Variants in ANKHD1 observed in about 807,000 individuals in gnomAD.
The protein encoded by ANKHD1 is ankyrin repeat and KH domain-containing protein 1.
In ANKHD1, 31 loss-of-function variants were observed where a neutral mutation model predicts 230.5. The ratio of observed to expected loss-of-function variants is 0.13; its 90% CI spans 0.10 to 0.18. The LOEUF (loss-of-function observed/expected upper bound fraction) is 0.18, where lower values mean the gene tolerates loss of function less well. ANKHD1 is among the 10% of genes least tolerant of loss of function. The pLI, the probability that ANKHD1 is intolerant of heterozygous loss-of-function variation, is 1.00. For synonymous variants in ANKHD1, 1,074 were observed against 1,117.6 expected (o/e 0.96, Z 0.78); for missense variants, 2,256 against 3,071.3 (o/e 0.73, Z 6.27).
intron 10 of ANKHD1, 102 bp from the exon 11 acceptor site, chr5:140,482,478 G>A: frequency 7.7e-7 from 1 of 1,298,590 alleles, no homozygotes; most frequent in Non-Finnish European, 1.1e-6. Flanking sequence ...CAATGAGTAA[G>A]TATATTAAAT....
chr5:140,417,196 C>T (rs1165453720), intron 1 of ANKHD1, among the ~76,000 whole-genome samples: 1 of 151,462 alleles, frequency 6.6e-6, no homozygotes, highest in Non-Finnish European at 1.5e-5. Flanking sequence ...CAGGATATGT[C>T]GTATATTGAT....
chr5:140,501,530 A>G lies in ANKHD1; in HGVS notation c.3005-3291A>G, dbSNP rs528079288. Among the ~76,000 whole-genome samples the G allele has an allele frequency of 7.4e-4, 113 of 152,132 alleles. 1 individual carries two copies. Among genetic ancestry groups the G allele is most frequent in the African/African-American group, 2.3e-3 (97 of 41,542 alleles). Reference sequence around the variant, plus strand: ...TTTGGGAGGCCAAGGCGAGCAGATCATGAGGTTAGGAGATCGAGACCATCC... The same window carrying G: ...TTTGGGAGGCCAAGGCGAGCAGATCGTGAGGTTAGGAGATCGAGACCATCC... On this transcript the variant is annotated intron_variant, in intron 15 of 33. Coordinates refer to ENST00000360839, the MANE Select transcript of ANKHD1 (RefSeq NM_017747.3).
chr5:140,447,293 C>T (rs1431865021), intron 6 of ANKHD1, among the ~76,000 whole-genome samples: 1 of 152,046 alleles, frequency 6.6e-6, no homozygotes, highest in African/African-American at 2.4e-5. Flanking sequence ...GCCTCAAACT[C>T]CTGGGTTCAA....
At chr5:140,502,184 G>C (rs770480537) in intron 15 of ANKHD1, among the ~76,000 whole-genome samples, 9 of 152,066 alleles carry the variant, frequency 5.9e-5, no homozygotes, top group Non-Finnish European at 1.2e-4. Context: ...TCATAGTCTT[G>C]GTGTAATTTT....
intron 1 of ANKHD1, among the ~76,000 whole-genome samples, chr5:140,405,731 C>T (rs1015504938): frequency 1.3e-5 from 2 of 152,118 alleles, no homozygotes; most frequent in African/African-American, 4.8e-5. Context: ...CTCCTGGGTT[C>T]AAGCGATTCT....
At chr5:140,455,700 T>G (rs1775123592) in intron 7 of ANKHD1, among the ~76,000 whole-genome samples, 1 of 152,194 alleles carries the variant, frequency 6.6e-6, no homozygotes, top group Non-Finnish European at 1.5e-5. Context: ...AATTAGGTAT[T>G]GATGGGACAT....
chr5:140,433,425 C>T (rs1773210408), intron 1 of ANKHD1, among the ~76,000 whole-genome samples: 1 of 152,128 alleles, frequency 6.6e-6, no homozygotes, highest in South Asian at 2.1e-4. Context: ...CTCTTCTGCC[C>T]ACCTCTACCC....
chr5:140,485,958 CA>C lies in ANKHD1; in HGVS notation c.2142+229del, dbSNP rs1581324853. Reference sequence around the variant, plus strand: ...GTGGTTTTTAAAAACCACTTAATATCAAATATAAACGTAAGTATTCTAAGTT... The same window carrying C: ...GTGGTTTTTAAAAACCACTTAATATCAATATAAACGTAAGTATTCTAAGTT... On this transcript the variant is annotated intron_variant, in intron 13 of 33. Coordinates refer to ENST00000360839, the MANE Select transcript of ANKHD1 (RefSeq NM_017747.3). The surrounding 1 kb of genome is among the most constrained non-coding windows in gnomAD (Gnocchi z 4.8). 1.8e-6 allele frequency: 1 copy of C among 540,898 alleles called. No individual in the cohort carries two copies. Among genetic ancestry groups the C allele is most frequent in the East Asian group, 3.7e-5 (1 of 27,142 alleles). The allele number at this position is 540,898 out of a possible 1,614,324, so 33.5% of individuals were successfully genotyped here. A position where few individuals can be genotyped will look rare whatever the true frequency, so the allele number is the denominator to read the frequency against.
At chr5:140,463,603 G>A (rs1047207817) in intron 9 of ANKHD1, among the ~76,000 whole-genome samples, 2 of 152,086 alleles carry the variant, frequency 1.3e-5, no homozygotes, top group Non-Finnish European at 2.9e-5. Flanking sequence ...ACCTTCGAAG[G>A]ATGCTAAGGG....
intron 1 of ANKHD1, among the ~76,000 whole-genome samples, chr5:140,402,941 G>T (rs1770091173): frequency 6.6e-6 from 1 of 151,440 alleles, no homozygotes; most frequent in South Asian, 2.1e-4. Flanking sequence ...TGGAGAAAGT[G>T]GGGCAACCTG....
intron 10 of ANKHD1, among the ~76,000 whole-genome samples, chr5:140,473,432 T>C (rs1011300322): frequency 1.3e-5 from 2 of 152,126 alleles, no homozygotes; most frequent in African/African-American, 4.8e-5. Flanking sequence ...TTGAGATTTT[T>C]AAAAATTTTT....
At chr5:140,446,731 A>G (rs1774311798) in intron 6 of ANKHD1, among the ~76,000 whole-genome samples, 1 of 152,202 alleles carries the variant, frequency 6.6e-6, no homozygotes, top group Non-Finnish European at 1.5e-5. Context: ...AAGCATGTAT[A>G]CAATATTTTA....
At chr5:140,456,310 C>T (rs1292308515) in intron 7 of ANKHD1, among the ~76,000 whole-genome samples, 1 of 152,122 alleles carries the variant, frequency 6.6e-6, no homozygotes, top group Non-Finnish European at 1.5e-5. Context: ...GATTCAATGC[C>T]ATCCCCATCA....
At chr5:140,458,993 T>C (rs1775485956) in intron 8 of ANKHD1, 131 bp downstream of exon 8, 8 of 24,468 alleles carry the variant, frequency 3.3e-4, no homozygotes, top group South Asian at 2.2e-3. Flanking sequence ...TATATATATA[T>C]ATGCATATAT....
chr5:140,502,151 A>T (rs749038503), intron 15 of ANKHD1, among the ~76,000 whole-genome samples: 17 of 152,168 alleles, frequency 1.1e-4, no homozygotes, highest in Non-Finnish European at 2.5e-4. Context: ...GAGGTAGGAA[A>T]TATTTTAGAA....
intron 1 of ANKHD1, among the ~76,000 whole-genome samples, chr5:140,421,787 T>A (rs1424613299): frequency 6.6e-6 from 1 of 152,210 alleles, no homozygotes; most frequent in Non-Finnish European, 1.5e-5. Context: ...TTGGTACCTG[T>A]CTTACTTGGG....
At chr5:140,490,491 T>A (rs1476619269) in intron 14 of ANKHD1, among the ~76,000 whole-genome samples, 1 of 152,186 alleles carries the variant, frequency 6.6e-6, no homozygotes, top group Admixed American at 6.6e-5. Flanking sequence ...GATTCAGGAT[T>A]CTAGGTGGCA....
At chr5:140,537,661 C>A in intron 31 of ANKHD1, 72 bp downstream of exon 31, 1 of 1,463,496 alleles carries the variant, frequency 6.8e-7, no homozygotes, top group Non-Finnish European at 9.0e-7. Flanking sequence ...AAACTTAGTT[C>A]CTTAGAAAAA....
chr5:140,444,088 C>T lies in ANKHD1; in HGVS notation c.914-1654C>T, dbSNP rs1297204185. Among the ~76,000 whole-genome samples the T allele has an allele frequency of 1.4e-5, 2 of 145,312 alleles. 1 individual carries two copies. The highest frequency in any genetic ancestry group is 5.0e-5 in the African/African-American group (2 of 39,646). On this transcript the variant is annotated intron_variant, in intron 5 of 33. Coordinates refer to ENST00000360839, the MANE Select transcript of ANKHD1 (RefSeq NM_017747.3). Reference sequence around the variant, plus strand: ...CTTGGTTGAGATGAAGTCCCCCCCCCCCTTTTTTTTTTTTTTAGCTGAAAT... The same window carrying T: ...CTTGGTTGAGATGAAGTCCCCCCCCTCCTTTTTTTTTTTTTTAGCTGAAAT...
Sources: allele counts gnomAD v4.1 joint callset (sites outside exome capture counted in the v4.1 genomes callset), GRCh38; gene constraint gnomAD v4.1.1; non-coding constraint Gnocchi (gnomAD v3.1); transcripts MANE v1.5; gene names NCBI Gene and HGNC (gene_info 2026-07-23, HGNC 2026-07-21).